The following RNPC3 variants were observed in gnomAD, a reference collection of about 807,000 sequenced individuals.
The protein encoded by RNPC3 is RNA-binding region-containing protein 3.
Under a neutral mutation model 67.5 loss-of-function variants are expected in RNPC3, and 48 were observed. The observed-to-expected ratio is 0.71, with a 90% CI of 0.56 to 0.90. The LOEUF is 0.90. RNPC3 is among the 40% of genes least tolerant of loss of function. The pLI, the probability that RNPC3 is intolerant of heterozygous loss-of-function variation, is 0.00. For missense variants in RNPC3, 637 were observed against 626.1 expected, an observed-to-expected ratio of 1.02 and a Z score of -0.19; for synonymous variants, 239 against 210.3, an observed-to-expected ratio of 1.14 and a Z score of -1.18.
At position 103,526,173 on chromosome 1, in the gene RNPC3, C is replaced by T. The variant is rs1266263841; in HGVS notation, c.103C>T (p.Pro35Ser). 1.3e-6 allele frequency: 2 copies of T among 1,551,400 alleles called. No individual in the cohort carries two copies. Among genetic ancestry groups the T allele is most frequent in the Admixed American group, 2.0e-5 (1 of 50,938 alleles). The change falls in exon 1 of 15, where the codon CCG becomes TCG. Residue 35 changes from proline to serine, a missense_variant. Coordinates refer to ENST00000423855, the MANE Select transcript of RNPC3 (RefSeq NM_017619.4). ...GDRTLLVRHL[P>S]AELTAEEKED... is the part of the protein sequence containing the mutation. ...CCGAACCCTTCTGGTCAGGCACCTGCCGGCTGAGCTTACTGCTGAGGAGAA... is the reference window on the plus strand; with the variant it reads ...CCGAACCCTTCTGGTCAGGCACCTGTCGGCTGAGCTTACTGCTGAGGAGAA...
intron 12 of RNPC3, among the ~76,000 whole-genome samples, chr1:103,549,368 C>G (rs1397270378): frequency 6.6e-6 from 1 of 152,096 alleles, no homozygotes; most frequent in Non-Finnish European, 1.5e-5. Context: ...GATAGGTATA[C>G]ACAAATGGAA....
At position 103,541,334 on chromosome 1, in the gene RNPC3, C is replaced by A; in HGVS notation, c.768-16C>A. ...TAGAAAGGAAATTTTGTTTATCATC[C>A]CTCTCCTCATTGTAGAATGAACAAA... On this transcript the variant is annotated splice_polypyrimidine_tract_variant and intron_variant, in intron 7 of 14. Coordinates refer to ENST00000423855, the MANE Select transcript of RNPC3 (RefSeq NM_017619.4). 6.7e-7 allele frequency: 1 copy of A among 1,489,478 alleles called. No homozygotes were observed. Among genetic ancestry groups the A allele is most frequent in the South Asian group, 1.3e-5 (1 of 77,608 alleles). 92.3% of individuals were successfully genotyped at this position (1,489,478 alleles called of 1,614,324 possible).
At chr1:103,532,959 A>G (rs1339592373) in intron 2 of RNPC3, among the ~76,000 whole-genome samples, 1 of 152,016 alleles carries the variant, frequency 6.6e-6, no homozygotes, top group African/African-American at 2.4e-5. Flanking sequence ...TAATAATACA[A>G]ATTTAGGATG....
intron 14 of RNPC3, chr1:103,554,215 G>A (rs1651475762): frequency 2.0e-5 from 3 of 152,318 alleles, no homozygotes; most frequent in South Asian, 4.1e-4. Flanking sequence ...TTAGCCAAGT[G>A]TGGTGGCTTG....
chr1:103,536,424 A>G (rs1255416944), intron 6 of RNPC3, among the ~76,000 whole-genome samples: 1 of 152,210 alleles, frequency 6.6e-6, no homozygotes, highest in Non-Finnish European at 1.5e-5. Flanking sequence ...AGTGTTGTTA[A>G]GTTTTTTGAG....
chr1:103,544,456 A>G (rs1207480835), intron 9 of RNPC3, among the ~76,000 whole-genome samples: 1 of 151,826 alleles, frequency 6.6e-6, no homozygotes, highest in Non-Finnish European at 1.5e-5. Flanking sequence ...AATTTTGTCA[A>G]TATTTTATCA....
intron 2 of RNPC3, 47 bp from the exon 3 acceptor site, chr1:103,533,691 AT>A: frequency 9.6e-7 from 1 of 1,038,728 alleles, no homozygotes; most frequent in Non-Finnish European, 1.4e-6. Flanking sequence ...CTAACGAATC[AT>A]TTTTGGTACA....
chr1:103,550,834 T>A, intron 12 of RNPC3, 107 bp from the exon 13 acceptor site: 1 of 1,067,952 alleles, frequency 9.4e-7, no homozygotes, highest in Non-Finnish European at 1.4e-6. Flanking sequence ...GCCTATCAAA[T>A]AGTGTAGTCA....
rs975506191 is a variant in RNPC3 at position 103,541,223 on chromosome 1, A to T, written c.768-127A>T. 6.6e-6 allele frequency: 4 copies of T among 604,484 alleles called. No homozygotes were observed. In the African/African-American group the frequency reaches 7.9e-5, roughly 12 times the overall value. 37.4% of individuals were successfully genotyped at this position (604,484 alleles called of 1,614,324 possible). A position where few individuals can be genotyped will look rare whatever the true frequency, so the allele number is the denominator to read the frequency against. On this transcript the variant is annotated intron_variant, in intron 7 of 14. Coordinates refer to ENST00000423855, the MANE Select transcript of RNPC3 (RefSeq NM_017619.4). ...TAATTGATGGTGTTCTATATATTTG[A>T]TGTAAGTAAATCATTTTATAATTTA...
At chr1:103,536,545 G>T (rs774709121) in intron 6 of RNPC3, among the ~76,000 whole-genome samples, 20 of 152,058 alleles carry the variant, frequency 1.3e-4, no homozygotes, top group Non-Finnish European at 2.8e-4. Context: ...GACGAAAAAG[G>T]GAGCTGATAT....
At chr1:103,535,798 GTTTA>G (rs997340453) in intron 5 of RNPC3, among the ~76,000 whole-genome samples, 23 of 151,952 alleles carry the variant, frequency 1.5e-4, no homozygotes, top group Admixed American at 5.2e-4. Context: ...TATAGATGAT[GTTTA>G]TTTTTTAATG....
chr1:103,533,624 A>C, intron 2 of RNPC3, 115 bp from the exon 3 acceptor site: 1 of 641,000 alleles, frequency 1.6e-6, no homozygotes, highest in South Asian at 1.7e-5. Context: ...ATTAGGAAAT[A>C]GTCAAGGAAC....
At chr1:103,551,198 T>A in intron 13 of RNPC3, 125 bp downstream of exon 13, 1 of 784,308 alleles carries the variant, frequency 1.3e-6, no homozygotes, top group African/African-American at 1.8e-5. Flanking sequence ...ATTCATTCGT[T>A]ACAATTAAAC....
Position 103,526,218 on chromosome 1 carries a change from T to A in RNPC3, c.148T>A (p.Phe50Ile), listed in dbSNP as rs756882032. ...AEEKEDLLKYFGAQSVRVLSD... is the reference protein window; with the variant it reads ...AEEKEDLLKYIGAQSVRVLSD... ...GGAGAAAGAGGACTTGCTGAAGTAC[T>A]TCGGGGCTCAGTCTGTGCGGGTCCT... Residue 50 changes from phenylalanine (F) to isoleucine (I), a missense_variant, in exon 1 of 15, where the codon TTC becomes ATC. Phe to Ile is a conservative substitution (Grantham distance 21). Transcript: ENST00000423855. The A allele has an allele frequency of 1.3e-6, 2 of 1,551,316 alleles. No individual in the cohort carries two copies. The highest frequency in any genetic ancestry group is 2.4e-5 in the South Asian group (2 of 84,026).
At chr1:103,538,620 A>G (rs1651050926) in intron 7 of RNPC3, among the ~76,000 whole-genome samples, 1 of 152,208 alleles carries the variant, frequency 6.6e-6, no homozygotes, top group Non-Finnish European at 1.5e-5. Flanking sequence ...CCTAATGCTG[A>G]ATTTTCCTAG....
chr1:103,546,967 G>T lies in RNPC3; in HGVS notation c.1303-10G>T. Reference sequence around the variant, plus strand: ...CTTTGTTATTTGTCTTTTTCTTATTGAAATTCTAGGACCTTAAATATATTT... The same window carrying T: ...CTTTGTTATTTGTCTTTTTCTTATTTAAATTCTAGGACCTTAAATATATTT... On this transcript the variant is annotated splice_polypyrimidine_tract_variant and intron_variant, in intron 11 of 14. Coordinates refer to ENST00000423855, the MANE Select transcript of RNPC3 (RefSeq NM_017619.4). 7.3e-7 allele frequency: 1 copy of T among 1,377,864 alleles called. No homozygotes were observed. The highest frequency in any genetic ancestry group is 1.5e-5 in the African/African-American group (1 of 68,188). The allele number at this position is 1,377,864 out of a possible 1,614,324, so 85.4% of individuals were successfully genotyped here.
Position 103,546,277 on chromosome 1 carries a change from T to C in RNPC3, c.1237T>C (p.Tyr413His), listed in dbSNP as rs1166916365. Residue 413 changes from tyrosine (Y) to histidine (H), a missense_variant, in exon 11 of 15, where the codon TAT (tyrosine) becomes CAT (histidine). Coordinates refer to ENST00000423855, the MANE Select transcript of RNPC3 (RefSeq NM_017619.4). ...EMETLSVFRS[Y>H]EPGEPNCRIY... ...GGAAACACTTTCAGTTTTCAGAAGT[T>C]ATGAACCGGGTGAACCAAACTGTAG... is the stretch of plus-strand genomic sequence containing the variant. The C allele has an allele frequency of 6.8e-7, 1 of 1,463,128 alleles. No homozygotes were observed. Among genetic ancestry groups the C allele is most frequent in the East Asian group, 2.6e-5 (1 of 38,250 alleles). The allele number at this position is 1,463,128 out of a possible 1,614,324, so 90.6% of individuals were successfully genotyped here.
chr1:103,547,538 A>G (rs1175069871), intron 12 of RNPC3, among the ~76,000 whole-genome samples: 1 of 152,184 alleles, frequency 6.6e-6, no homozygotes, highest in Non-Finnish European at 1.5e-5. Context: ...ATTTGTTTCT[A>G]AAAGGCTCCT....
At chr1:103,532,150 T>A (rs1018096909) in intron 2 of RNPC3, among the ~76,000 whole-genome samples, 3 of 152,162 alleles carry the variant, frequency 2.0e-5, no homozygotes, top group Admixed American at 6.5e-5. Flanking sequence ...AGTATTTGGG[T>A]TTATTTCTGT....
Sources: allele counts gnomAD v4.1 joint callset (sites outside exome capture counted in the v4.1 genomes callset), GRCh38; gene constraint gnomAD v4.1.1; transcripts MANE v1.5; gene names NCBI Gene and HGNC (gene_info 2026-07-23, HGNC 2026-07-21).